CLIC6: variants seen among roughly 807,000 people sequenced by gnomAD.
CLIC6 encodes the protein CLIC family member 6.
Under a neutral mutation model 49.2 loss-of-function variants are expected in CLIC6, and 39 were observed. The ratio of observed to expected loss-of-function variants is 0.79; its 90% CI spans 0.61 to 1.04. CLIC6 has a LOEUF of 1.04. CLIC6 is among the 50% of genes least tolerant of loss of function. CLIC6 has a pLI of 0.00. For synonymous variants in CLIC6, 446 were observed against 433.4 expected (o/e 1.03, Z -0.36); for missense variants, 988 against 993.1 (o/e 0.99, Z 0.07).
chr21:34,685,135 G>T (rs1300203520), intron 1 of CLIC6, among the ~76,000 whole-genome samples: 1 of 152,130 alleles, frequency 6.6e-6, no homozygotes, highest in South Asian at 2.1e-4. Context: ...GCAGGGTGGG[G>T]GGTGGTGTGT....
Position 34,670,618 on chromosome 21 carries a change from G to T in CLIC6, c.1230G>T (p.Glu410Asp). ...GEASRGAAEP[E>D]AQLSNHLAEE... is the part of the protein sequence containing the mutation. ...CCTCCAGGGGCGCCGCGGAGCCTGA[G>T]GCCCAGCTCAGCAACCACCTGGCCG... Residue 410 changes from glutamate (E) to aspartate (D), a missense_variant, in exon 1 of 6, where the codon GAG becomes GAT. Coordinates refer to ENST00000349499, the MANE Select transcript of CLIC6 (RefSeq NM_053277.3). 1 of 1,547,652 alleles carries T rather than the reference G, an allele frequency of 6.5e-7. No homozygotes were observed. Among genetic ancestry groups the T allele is most frequent in the East Asian group, 2.4e-5 (1 of 41,300 alleles).
intron 5 of CLIC6, among the ~76,000 whole-genome samples, chr21:34,712,618 C>G (rs893209961): frequency 3.9e-5 from 6 of 152,138 alleles, no homozygotes; most frequent in Admixed American, 2.0e-4. Flanking sequence ...GGAGGAGCCA[C>G]ACAGAGACGC....
chr21:34,695,372 A>C (rs373437591), intron 1 of CLIC6, among the ~76,000 whole-genome samples: 1 of 152,220 alleles, frequency 6.6e-6, no homozygotes, highest in African/African-American at 2.4e-5. Context: ...TAATCTCCCC[A>C]TGTCAAAATC....
At chr21:34,716,120 T>C (rs2056083773) in intron 5 of CLIC6, among the ~76,000 whole-genome samples, 1 of 152,132 alleles carries the variant, frequency 6.6e-6, no homozygotes. Flanking sequence ...CTGTAGTGAG[T>C]ACAGGAACTT....
rs1989494129 is a variant in CLIC6 at position 34,669,739 on chromosome 21, G to T, written c.351G>T (p.Ala117=). 3.6e-6 allele frequency: 5 copies of T among 1,384,774 alleles called. No homozygotes were observed. The South Asian group carries it at 4.9e-5, about 14-fold the overall frequency. 85.8% of individuals were successfully genotyped at this position (1,384,774 alleles called of 1,614,324 possible). Residue 117 remains alanine (A), a synonymous_variant, in exon 1 of 6, where the codon GCG becomes GCT. Transcript: ENST00000349499. Reference sequence around the variant, plus strand: ...AGGGGGCGAGCCCGGGACGCGGCGCGCAGGGCGAGCCCCGCGGGGAGGCTC... The same window carrying T: ...AGGGGGCGAGCCCGGGACGCGGCGCTCAGGGCGAGCCCCGCGGGGAGGCTC... ...QVEGASPGRG[A]QGEPRGEAQR...
chr21:34,697,303 C>T (rs1990105278), intron 1 of CLIC6, among the ~76,000 whole-genome samples: 1 of 152,148 alleles, frequency 6.6e-6, no homozygotes. Flanking sequence ...GAAAGGCCGT[C>T]CCTGTATTAG....
rs73196813 is a variant in CLIC6 at position 34,697,020 on chromosome 21, T to C, written c.1375-10260T>C. Among the ~76,000 whole-genome samples the C allele has an allele frequency of 2.5e-3, 377 of 152,142 alleles. 2 individuals carry two copies. The highest frequency in any genetic ancestry group is 0.01 in the Middle Eastern group (3 of 294). On this transcript the variant is annotated intron_variant, in intron 1 of 5. Coordinates refer to ENST00000349499, the MANE Select transcript of CLIC6 (RefSeq NM_053277.3). ...TGGGGATGCCTGCAGGGTCTTCTGA[T>C]TGGACTTGGACAGAGATTCTTGCTT...
chr21:34,708,566 G>A (rs140703198), intron 3 of CLIC6, 134 bp from the exon 4 acceptor site: 746 of 662,446 alleles, frequency 1.1e-3, no homozygotes, highest in African/African-American at 0.01. Flanking sequence ...CCTTTGAGAG[G>A]AAAAGGGTCA....
chr21:34,669,733 C>A lies in CLIC6; in HGVS notation c.345C>A (p.Arg115=), dbSNP rs139579211. Residue 115 remains arginine (R), a synonymous_variant, in exon 1 of 6, where the codon CGC becomes CGA. Coordinates refer to ENST00000349499, the MANE Select transcript of CLIC6 (RefSeq NM_053277.3). ...AGGTGGAGGGGGCGAGCCCGGGACG[C>A]GGCGCGCAGGGCGAGCCCCGCGGGG... ...AQQVEGASPG[R]GAQGEPRGEA... 2 of 1,382,858 alleles carry A rather than the reference C, an allele frequency of 1.4e-6. No homozygotes were observed. Among genetic ancestry groups the A allele is most frequent in the African/African-American group, 3.1e-5 (2 of 65,030 alleles). 85.7% of individuals were successfully genotyped at this position (1,382,858 alleles called of 1,614,324 possible). A position where few individuals can be genotyped will look rare whatever the true frequency, so the allele number is the denominator to read the frequency against.
intron 1 of CLIC6, among the ~76,000 whole-genome samples, chr21:34,692,603 C>T (rs1470175917): frequency 6.6e-6 from 1 of 152,216 alleles, no homozygotes; most frequent in African/African-American, 2.4e-5. Context: ...TCACTAGTTT[C>T]AGTGTAAACA....
At chr21:34,705,975 C>A in intron 1 of CLIC6, 1 of 648,222 alleles carries the variant, frequency 1.5e-6, no homozygotes, top group Non-Finnish European at 2.8e-6. Context: ...CTGAATCAAA[C>A]TCTGTATATT....
intron 1 of CLIC6, among the ~76,000 whole-genome samples, chr21:34,687,606 C>T (rs1429979484): frequency 6.6e-6 from 1 of 152,146 alleles, no homozygotes; most frequent in Non-Finnish European, 1.5e-5. Context: ...AAGCCTTTTG[C>T]TAGAATTGAA....
At chr21:34,710,124 A>AG (rs2056046080) in intron 5 of CLIC6, among the ~76,000 whole-genome samples, 1 of 151,886 alleles carries the variant, frequency 6.6e-6, no homozygotes, top group African/African-American at 2.4e-5. Flanking sequence ...AATAAAAAAA[A>AG]AAAATTAGCT....
chr21:34,675,406 T>C (rs1473365261), intron 1 of CLIC6, among the ~76,000 whole-genome samples: 1 of 152,122 alleles, frequency 6.6e-6, no homozygotes, highest in Non-Finnish European at 1.5e-5. Flanking sequence ...TGGGACTTGT[T>C]CTATGGGGCT....
Position 34,708,712 on chromosome 21 carries a change from G to A in CLIC6, c.1623G>A (p.Leu541=). Residue 541 remains leucine (L), a synonymous_variant, in exon 4 of 6, where the codon CTG becomes CTA. Coordinates refer to ENST00000349499, the MANE Select transcript of CLIC6 (RefSeq NM_053277.3). The part of the protein sequence containing the change: ...EKLAPPRYPK[L]GTQHPESNSA... ...TGAACTTTTCAAGGTATCCCAAGCT[G>A]GGGACCCAACATCCCGAATCTAATT... The A allele has an allele frequency of 1.2e-6, 2 of 1,613,696 alleles. No individual in the cohort carries two copies. Among genetic ancestry groups the A allele is most frequent in the South Asian group, 1.1e-5 (1 of 91,068 alleles).
At chr21:34,698,398 A>G (rs1242252145) in intron 1 of CLIC6, among the ~76,000 whole-genome samples, 1 of 151,710 alleles carries the variant, frequency 6.6e-6, no homozygotes, top group African/African-American at 2.4e-5. Context: ...GAAAGAGACA[A>G]AAGGAATGAA....
intron 5 of CLIC6, among the ~76,000 whole-genome samples, chr21:34,713,082 A>G (rs2056067139): frequency 6.6e-6 from 1 of 152,212 alleles, no homozygotes; most frequent in Admixed American, 6.5e-5. Flanking sequence ...TCATTCAAAG[A>G]AGGCCAATAC....
At chr21:34,695,488 C>T (rs746994028) in intron 1 of CLIC6, among the ~76,000 whole-genome samples, 27 of 152,342 alleles carry the variant, frequency 1.8e-4, no homozygotes, top group South Asian at 4.1e-4. Context: ...ATTATTCTTC[C>T]TACTGCACGA....
Position 34,669,792 on chromosome 21 carries a change from C to A in CLIC6, c.404C>A (p.Pro135His). ...AQREPEDSAAPERQEEAEQRP... is the reference protein window; with the variant it reads ...AQREPEDSAAHERQEEAEQRP... ...AGGGAGCCCGAGGACTCTGCGGCCC[C>A]CGAGAGGCAGGAGGAGGCGGAGCAG... Residue 135 changes from proline to histidine, a missense_variant, in exon 1 of 6, where the codon CCC becomes CAC. This residue lies in a region of CLIC6 where 284 missense variants were observed against 278.6 expected (regional missense o/e 1.02). Coordinates refer to ENST00000349499, the MANE Select transcript of CLIC6 (RefSeq NM_053277.3). 7.0e-7 allele frequency: 1 copy of A among 1,423,598 alleles called. No homozygotes were observed. The highest frequency in any genetic ancestry group is 9.1e-7 in the Non-Finnish European group (1 of 1,099,500). The allele number at this position is 1,423,598 out of a possible 1,614,324, so 88.2% of individuals were successfully genotyped here.
Sources: allele counts gnomAD v4.1 joint callset (sites outside exome capture counted in the v4.1 genomes callset), GRCh38; gene constraint gnomAD v4.1.1; regional missense constraint gnomAD v4.1.1; transcripts MANE v1.5; gene names NCBI Gene and HGNC (gene_info 2026-07-23, HGNC 2026-07-21).